Variants in LUZP2 observed in about 807,000 individuals in gnomAD.
LUZP2 encodes the protein leucine zipper protein 2.
A neutral mutation model predicts 51.6 loss-of-function variants in LUZP2; 52 were observed. The observed-to-expected ratio is 1.01, with a 90% CI of 0.81 to 1.27. LUZP2 has a LOEUF of 1.27. LUZP2 is among the 50% of genes most tolerant of loss of function. LUZP2 has a pLI of 0.00. For missense variants in LUZP2, 436 were observed against 395.4 expected, an observed-to-expected ratio of 1.10 and a Z score of -0.87; for synonymous variants, 154 against 137.3, an observed-to-expected ratio of 1.12 and a Z score of -0.85.
At chr11:25,012,347 A>G (rs1857011575) in intron 9 of LUZP2, among the ~76,000 whole-genome samples, 1 of 152,138 alleles carries the variant, frequency 6.6e-6, no homozygotes, top group Admixed American at 6.6e-5. Context: ...TTTTTCTCCC[A>G]AACTCCCCAC....
intron 1 of LUZP2, among the ~76,000 whole-genome samples, chr11:24,581,684 AATATAAATATAAATATAAATAT>A (rs1852861580): frequency 2.9e-5 from 1 of 34,826 alleles, no homozygotes. Context: ...TATAAATATA[AATATAAATATAAATATAAATAT>A]AAATATAAAT....
At chr11:24,998,706 C>A (rs1465632000) in intron 9 of LUZP2, among the ~76,000 whole-genome samples, 2 of 152,186 alleles carry the variant, frequency 1.3e-5, no homozygotes, top group South Asian at 2.1e-4. Context: ...TACCTATACC[C>A]AACTTAATAG....
chr11:24,565,117 C>T lies in LUZP2; in HGVS notation c.62+67812C>T, dbSNP rs147908518. Among the ~76,000 whole-genome samples, 423 of 152,224 alleles carry T rather than the reference C, an allele frequency of 2.8e-3. 1 individual carries two copies. The highest frequency in any genetic ancestry group is 9.7e-3 in the African/African-American group (401 of 41,552). ...GTTCTTTAAATGACAAGGAATTCCA[C>T]TCCTACCAAAAAATTGGGATTGTCA... On this transcript the variant is annotated intron_variant, in intron 1 of 11. Transcript: ENST00000336930.
chr11:24,794,253 T>C (rs999466361), intron 5 of LUZP2, among the ~76,000 whole-genome samples: 1 of 152,152 alleles, frequency 6.6e-6, no homozygotes, highest in Non-Finnish European at 1.5e-5. Context: ...AATGTAATAC[T>C]CCACATATTC....
chr11:24,913,391 A>G (rs1046457064), intron 6 of LUZP2, among the ~76,000 whole-genome samples: 3 of 152,154 alleles, frequency 2.0e-5, no homozygotes, highest in Non-Finnish European at 1.5e-5. Flanking sequence ...ACTCCATGTC[A>G]TGGATATACT....
At chr11:24,797,734 T>C (rs997198889) in intron 5 of LUZP2, among the ~76,000 whole-genome samples, 1 of 152,178 alleles carries the variant, frequency 6.6e-6, no homozygotes, top group African/African-American at 2.4e-5. Flanking sequence ...ACAACAACTT[T>C]TAGGATTCAT....
chr11:24,705,403 A>G (rs1857547572), intron 1 of LUZP2, among the ~76,000 whole-genome samples: 3 of 152,196 alleles, frequency 2.0e-5, no homozygotes, highest in African/African-American at 7.2e-5. Context: ...TAAGATTAAC[A>G]GTCAAGTAAT....
chr11:24,984,144 T>G (rs1486769140), intron 9 of LUZP2, among the ~76,000 whole-genome samples: 1 of 151,308 alleles, frequency 6.6e-6, no homozygotes, highest in African/African-American at 2.4e-5. Flanking sequence ...TTAAAATGAG[T>G]GCTATGGATA....
intron 1 of LUZP2, among the ~76,000 whole-genome samples, chr11:24,694,723 A>G (rs1439140782): frequency 1.3e-5 from 2 of 152,126 alleles, no homozygotes; most frequent in Non-Finnish European, 2.9e-5. Context: ...TATATACACC[A>G]TGGAATACTA....
At chr11:24,792,491 C>T (rs1445072745) in intron 5 of LUZP2, among the ~76,000 whole-genome samples, 1 of 151,780 alleles carries the variant, frequency 6.6e-6, no homozygotes, top group Non-Finnish European at 1.5e-5. Flanking sequence ...TTATTGGACA[C>T]GTACTCTATG....
intron 1 of LUZP2, among the ~76,000 whole-genome samples, chr11:24,585,183 G>C (rs187399791): frequency 6.6e-6 from 1 of 152,102 alleles, no homozygotes; most frequent in Admixed American, 6.5e-5. Flanking sequence ...CTGAAAAATG[G>C]AGAAAATATG....
At chr11:24,633,859 C>A (rs1235282452) in intron 1 of LUZP2, among the ~76,000 whole-genome samples, 1 of 151,596 alleles carries the variant, frequency 6.6e-6, no homozygotes, top group African/African-American at 2.4e-5. Context: ...TAATTACATT[C>A]TTATGCTTTG....
chr11:24,964,175 C>T (rs1312260646), intron 7 of LUZP2, among the ~76,000 whole-genome samples: 1 of 152,122 alleles, frequency 6.6e-6, no homozygotes, highest in Non-Finnish European at 1.5e-5. Context: ...TGTTTGTTAA[C>T]TGTCAGATGA....
chr11:24,663,525 T>G (rs1856095107), intron 1 of LUZP2, among the ~76,000 whole-genome samples: 1 of 152,218 alleles, frequency 6.6e-6, no homozygotes, highest in African/African-American at 2.4e-5. Flanking sequence ...TTGTGTAGTG[T>G]GACTTTCTTC....
chr11:24,646,614 G>A, intron 1 of LUZP2: 1 of 984,488 alleles, frequency 1.0e-6, no homozygotes, highest in Non-Finnish European at 1.2e-6. Flanking sequence ...AGTTTGTCAG[G>A]TATCAATGAT....
At chr11:24,656,982 G>T (rs1157811677) in intron 1 of LUZP2, among the ~76,000 whole-genome samples, 1 of 152,136 alleles carries the variant, frequency 6.6e-6, no homozygotes, top group African/African-American at 2.4e-5. Context: ...AGAGTCTGAG[G>T]ATTAAGGCGT....
intron 1 of LUZP2, among the ~76,000 whole-genome samples, chr11:24,628,292 G>A (rs896617004): frequency 6.6e-6 from 1 of 151,918 alleles, no homozygotes; most frequent in Admixed American, 6.6e-5. Context: ...AAACATGCTG[G>A]TCTTTGATCA....
intron 9 of LUZP2, among the ~76,000 whole-genome samples, chr11:25,026,587 T>A (rs575922309): frequency 4.8e-4 from 73 of 152,232 alleles, no homozygotes; most frequent in African/African-American, 1.7e-3. Context: ...CATTGACTAA[T>A]TAAGGGGTGA....
At chr11:24,830,241 G>A (rs1028655202) in intron 5 of LUZP2, among the ~76,000 whole-genome samples, 1 of 144,046 alleles carries the variant, frequency 6.9e-6, no homozygotes, top group Admixed American at 6.9e-5. Flanking sequence ...AAAGCACTTT[G>A]GTTCATCTTT....
Sources: allele counts gnomAD v4.1 joint callset (sites outside exome capture counted in the v4.1 genomes callset), GRCh38; gene constraint gnomAD v4.1.1; transcripts MANE v1.5; gene names NCBI Gene and HGNC (gene_info 2026-07-23, HGNC 2026-07-21).